ADGRV1: variants seen among roughly 807,000 people sequenced by gnomAD.
The protein encoded by ADGRV1 is G-protein coupled receptor 98.
ADGRV1 carries 359 observed loss-of-function variants against 596.2 expected under a neutral mutation model. The observed-to-expected ratio is 0.60, with a 90% CI of 0.55 to 0.66. The LOEUF (loss-of-function observed/expected upper bound fraction) is 0.66. ADGRV1 is among the 30% of genes least tolerant of loss of function. The probability of loss-of-function intolerance (pLI) is 0.00; values close to 1 mark genes in which losing one functional copy is unlikely to be tolerated. For synonymous variants in ADGRV1, 2,681 were observed against 2,679.2 expected, an observed-to-expected ratio of 1.00 and a Z score of -0.02; for missense variants, 7,274 against 7,575.6, an observed-to-expected ratio of 0.96 and a Z score of 1.48.
chr5:90,788,849 TGCACAC>T (rs1467368195), intron 68 of ADGRV1, among the ~76,000 whole-genome samples: 1 of 143,792 alleles, frequency 7.0e-6, no homozygotes, highest in East Asian at 1.9e-4. Context: ...AGGACAGACA[TGCACAC>T]AGACACAGAC....
chr5:90,743,254 G>T (rs80247721), intron 50 of ADGRV1, among the ~76,000 whole-genome samples: 3,474 of 152,164 alleles, frequency 0.023, 131 homozygotes, highest in African/African-American at 0.081. Context: ...TTTATTGATA[G>T]CCTTTTTATT....
intron 15 of ADGRV1, 83 bp from the exon 16 acceptor site, chr5:90,645,885 A>T (rs932514484): frequency 3.2e-5 from 36 of 1,137,616 alleles, no homozygotes; most frequent in Non-Finnish European, 3.9e-5. Context: ...GTGCTTTTTT[A>T]AAAAAACTGA....
At chr5:90,762,577 T>C (rs557310005) in intron 58 of ADGRV1, 31 of 152,318 alleles carry the variant, frequency 2.0e-4, no homozygotes, top group African/African-American at 5.8e-4. Flanking sequence ...AGTCAACATA[T>C]GTACTTCACT....
At position 90,564,848 on chromosome 5, in the gene ADGRV1, G is replaced by T. The variant is rs1402401152; in HGVS notation, c.22+5931G>T. 1.0e-4 allele frequency among the ~76,000 whole-genome samples: 3 copies of T among 28,988 alleles called. 1 individual carries two copies. Among genetic ancestry groups the T allele is most frequent in the Admixed American group, 2.1e-4 (1 of 4,868 alleles). 19.0% of individuals were successfully genotyped at this position (28,988 alleles called of 152,430 possible). On this transcript the variant is annotated intron_variant, in intron 1 of 89. Transcript: ENST00000405460. The stretch of plus-strand genomic sequence containing the variant: ...TCACCGTGTTAGCCAGGATGGTCTC[G>T]ATCTCCTGACCTCGTGATCCGCCCG...
chr5:90,828,811 A>C (rs146847203), intron 76 of ADGRV1, 133 bp from the exon 77 acceptor site: 15 of 501,498 alleles, frequency 3.0e-5, no homozygotes, highest in African/African-American at 2.5e-4. Flanking sequence ...AATTATACAG[A>C]ATATATCTCT....
intron 84 of ADGRV1, among the ~76,000 whole-genome samples, chr5:90,984,750 G>A (rs1352819831): frequency 2.0e-5 from 3 of 152,148 alleles, no homozygotes; most frequent in South Asian, 4.1e-4. Context: ...AAGGGAGAGA[G>A]TATAAATTGG....
intron 87 of ADGRV1, among the ~76,000 whole-genome samples, chr5:91,105,894 A>G (rs1434401866): frequency 6.6e-6 from 1 of 151,298 alleles, no homozygotes; most frequent in East Asian, 1.9e-4. Flanking sequence ...TATAAATAAG[A>G]ATCTTTAGAT....
intron 83 of ADGRV1, among the ~76,000 whole-genome samples, chr5:90,869,596 G>T (rs1768469761): frequency 6.6e-6 from 1 of 152,084 alleles, no homozygotes. Flanking sequence ...CAGTGGTAAT[G>T]GCAATGAGAA....
intron 86 of ADGRV1, among the ~76,000 whole-genome samples, chr5:91,088,004 T>C (rs1345452336): frequency 2.0e-5 from 3 of 152,214 alleles, no homozygotes; most frequent in Admixed American, 6.5e-5. Context: ...TTTCTTTTAA[T>C]TGAATTTGAC....
chr5:91,151,522 G>T (rs1303237918), intron 88 of ADGRV1, among the ~76,000 whole-genome samples: 1 of 152,092 alleles, frequency 6.6e-6, no homozygotes, highest in African/African-American at 2.4e-5. Context: ...TATCCCCAAA[G>T]TTCTTAAAAT....
Position 90,807,647 on chromosome 5 carries a change from T to A in ADGRV1, c.14882T>A (p.Leu4961Gln). 6.2e-7 allele frequency: 1 copy of A among 1,613,378 alleles called. No individual in the cohort carries two copies. The highest frequency in any genetic ancestry group is 8.5e-7 in the Non-Finnish European group (1 of 1,179,400). Reference protein sequence around the residue: ...SHGEQRKGVFLWTFPSPGWPE... With the variant: ...SHGEQRKGVFQWTFPSPGWPE... ...GGTGAACAAAGGAAAGGAGTTTTCC[T>A]GTGGACGTTTCCTAGCCCTGGTTGG... The change falls in exon 73 of 90, where the codon CTG becomes CAG. Residue 4961 changes from leucine (L) to glutamine (Q), a missense_variant. This residue lies in a region of ADGRV1 where 1,874 missense variants were observed against 1,970.2 expected (regional missense o/e 0.95). Coordinates refer to ENST00000405460, the MANE Select transcript of ADGRV1 (RefSeq NM_032119.4).
intron 21 of ADGRV1, among the ~76,000 whole-genome samples, chr5:90,667,398 T>C (rs190930957): frequency 0.066 from 9,688 of 145,902 alleles, 377 homozygotes; most frequent in South Asian, 0.1. Context: ...TCCAGTTGAT[T>C]GCATCAGCTC....
intron 29 of ADGRV1, among the ~76,000 whole-genome samples, chr5:90,687,595 G>C (rs999563441): frequency 1.3e-5 from 2 of 152,178 alleles, no homozygotes; most frequent in East Asian, 1.9e-4. Context: ...GTTAGGAAAA[G>C]AGGAAGTCAA....
intron 59 of ADGRV1, among the ~76,000 whole-genome samples, chr5:90,770,584 T>C (rs572311835): frequency 6.6e-6 from 1 of 152,320 alleles, no homozygotes; most frequent in Admixed American, 6.5e-5. Flanking sequence ...TACATGTGCA[T>C]TTGAAGAAGG....
chr5:91,046,447 A>T (rs1785817499), intron 85 of ADGRV1, among the ~76,000 whole-genome samples: 1 of 152,220 alleles, frequency 6.6e-6, no homozygotes, highest in East Asian at 1.9e-4. Flanking sequence ...TGCTGGGATA[A>T]TTGGCAAGTC....
intron 1 of ADGRV1, among the ~76,000 whole-genome samples, chr5:90,584,290 TTTC>T (rs1488510057): frequency 1.3e-5 from 2 of 152,206 alleles, no homozygotes; most frequent in Admixed American, 6.5e-5. Flanking sequence ...TTAGCTCCTT[TTTC>T]TTCTTCTAGA....
chr5:91,119,672 A>G (rs992709161), intron 87 of ADGRV1, among the ~76,000 whole-genome samples: 3 of 152,210 alleles, frequency 2.0e-5, no homozygotes, highest in African/African-American at 4.8e-5. Context: ...CCTCATATTT[A>G]TCAACTTTGT....
chr5:90,627,435 T>C lies in ADGRV1; in HGVS notation c.897T>C (p.Tyr299=). 6.2e-7 allele frequency: 1 copy of C among 1,613,892 alleles called. No homozygotes were observed. The highest frequency in any genetic ancestry group is 8.5e-7 in the Non-Finnish European group (1 of 1,179,774). The change falls in exon 7 of 90, where the codon TAT becomes TAC. Residue 299 remains tyrosine (Y), a synonymous_variant. Coordinates refer to ENST00000405460, the MANE Select transcript of ADGRV1 (RefSeq NM_032119.4). Reference sequence around the variant, plus strand: ...GAAATCTGATTGGATCTGATGAATATGAGGTTTCAATCAGTTATGCTGTCA... The same window carrying C: ...GAAATCTGATTGGATCTGATGAATACGAGGTTTCAATCAGTTATGCTGTCA... ...NNGNLIGSDE[Y]EVSISYAVTT... is the part of the protein sequence containing the mutation.
intron 85 of ADGRV1, among the ~76,000 whole-genome samples, chr5:91,063,667 T>C (rs1031757876): frequency 6.6e-6 from 1 of 152,202 alleles, no homozygotes; most frequent in African/African-American, 2.4e-5. Flanking sequence ...AGTTTTTATG[T>C]TTTCATTTCA....
Sources: gnomAD v4.1 joint callset for allele counts (sites outside exome capture counted in the v4.1 genomes callset) on GRCh38, gnomAD v4.1.1 for gene constraint, gnomAD v4.1.1 regional missense constraint, MANE v1.5 for transcripts, NCBI Gene and HGNC (gene_info 2026-07-23, HGNC 2026-07-21) for gene names.